The following PCSK5 variants were observed in gnomAD, a reference collection of about 807,000 sequenced individuals.
The protein encoded by PCSK5 is prohormone convertase 5.
A neutral mutation model predicts 233.2 loss-of-function variants in PCSK5; 129 were observed. The observed-to-expected ratio is 0.55, with a 90% CI of 0.48 to 0.64. The LOEUF (loss-of-function observed/expected upper bound fraction) is 0.64, where lower values mean the gene tolerates loss of function less well. PCSK5 is among the 30% of genes least tolerant of loss of function. PCSK5 has a pLI of 0.00. For missense variants in PCSK5, 2,076 were observed against 2,430.1 expected, an observed-to-expected ratio of 0.85 and a Z score of 3.06; for synonymous variants, 825 against 879.2, an observed-to-expected ratio of 0.94 and a Z score of 1.09.
chr9:76,104,200 G>C (rs1199862169), intron 8 of PCSK5, among the ~76,000 whole-genome samples: 7 of 152,080 alleles, frequency 4.6e-5, no homozygotes, highest in African/African-American at 1.7e-4. Flanking sequence ...CGAAAACCCT[G>C]CCTTAGATCT....
chr9:76,252,338 G>A (rs1001251772), intron 24 of PCSK5, among the ~76,000 whole-genome samples: 1 of 152,146 alleles, frequency 6.6e-6, no homozygotes, highest in African/African-American at 2.4e-5. Flanking sequence ...CCTTTCCTCA[G>A]TCCTTCATAC....
intron 5 of PCSK5, among the ~76,000 whole-genome samples, chr9:76,030,857 G>C (rs770514005): frequency 6.6e-6 from 1 of 152,010 alleles, no homozygotes; most frequent in Non-Finnish European, 1.5e-5. Flanking sequence ...TGCTCATCTG[G>C]GGTATTCTAG....
chr9:76,331,338 T>C (rs1235649506), intron 33 of PCSK5, among the ~76,000 whole-genome samples: 4 of 152,148 alleles, frequency 2.6e-5, no homozygotes, highest in Non-Finnish European at 5.9e-5. Flanking sequence ...ATTATCCACG[T>C]AGACCCAATG....
intron 7 of PCSK5, among the ~76,000 whole-genome samples, chr9:76,085,843 A>G (rs1831042192): frequency 1.3e-5 from 2 of 152,214 alleles, no homozygotes; most frequent in African/African-American, 2.4e-5. Context: ...GAGAGATTTC[A>G]TAATCTAGAG....
At chr9:76,193,129 C>CAATT in intron 20 of PCSK5, 1 of 927,004 alleles carries the variant, frequency 1.1e-6, no homozygotes, top group Non-Finnish European at 1.6e-6. Context: ...TGATCTCTTC[C>CAATT]AATTCCCCAA....
chr9:76,317,471 G>A (rs1186438713), intron 30 of PCSK5, among the ~76,000 whole-genome samples: 4 of 152,214 alleles, frequency 2.6e-5, no homozygotes, highest in Non-Finnish European at 5.9e-5. Flanking sequence ...ATAAATGACT[G>A]AAAGAATGAT....
chr9:76,263,986 C>G (rs528368580), intron 24 of PCSK5, among the ~76,000 whole-genome samples: 4 of 152,098 alleles, frequency 2.6e-5, no homozygotes, highest in South Asian at 2.1e-4. Flanking sequence ...CAAAAAAGAG[C>G]CTGAATAGGC....
intron 20 of PCSK5, among the ~76,000 whole-genome samples, chr9:76,203,767 G>A (rs1229996594): frequency 1.3e-5 from 2 of 152,128 alleles, no homozygotes; most frequent in Non-Finnish European, 2.9e-5. Context: ...CTAGCACAAT[G>A]AGAACACACC....
intron 9 of PCSK5, among the ~76,000 whole-genome samples, chr9:76,116,372 A>G (rs1832424542): frequency 6.6e-6 from 1 of 152,256 alleles, no homozygotes; most frequent in East Asian, 1.9e-4. Context: ...AACCTTATTG[A>G]GTAAGCACCA....
intron 5 of PCSK5, among the ~76,000 whole-genome samples, chr9:76,047,489 CTT>C (rs1020000989): frequency 9.9e-5 from 15 of 152,100 alleles, no homozygotes; most frequent in Admixed American, 9.2e-4. Flanking sequence ...TTTCTAGTGA[CTT>C]GAGAAAGAGT....
chr9:76,178,749 T>C (rs1823724452), intron 14 of PCSK5, among the ~76,000 whole-genome samples: 1 of 152,356 alleles, frequency 6.6e-6, no homozygotes, highest in African/African-American at 2.4e-5. Flanking sequence ...GGAAAGAGTT[T>C]GCAGATTATG....
At chr9:76,220,261 T>C in intron 20 of PCSK5, among the ~76,000 whole-genome samples, 1 of 152,186 alleles carries the variant, frequency 6.6e-6, no homozygotes, top group East Asian at 1.9e-4. Context: ...GCATGGTGGC[T>C]CATGCCTGTA....
chr9:76,150,750 A>C (rs1564063556), intron 10 of PCSK5, among the ~76,000 whole-genome samples: 1 of 152,216 alleles, frequency 6.6e-6, no homozygotes, highest in African/African-American at 2.4e-5. Context: ...AAACATTGCA[A>C]CTATAGTTCT....
intron 20 of PCSK5, among the ~76,000 whole-genome samples, chr9:76,206,491 G>A (rs532993514): frequency 2.4e-4 from 36 of 152,254 alleles, no homozygotes; most frequent in African/African-American, 7.5e-4. Flanking sequence ...CCAGGCTGCC[G>A]GTGCAACTCT....
At chr9:76,070,266 C>T (rs1830439497) in intron 6 of PCSK5, among the ~76,000 whole-genome samples, 4 of 152,188 alleles carry the variant, frequency 2.6e-5, no homozygotes, top group Non-Finnish European at 4.4e-5. Context: ...TCCCAAAGTG[C>T]TGGGATTACA....
At chr9:76,330,352 T>C (rs1188054936) in intron 33 of PCSK5, among the ~76,000 whole-genome samples, 1 of 152,020 alleles carries the variant, frequency 6.6e-6, no homozygotes, top group East Asian at 1.9e-4. Context: ...AAAGAAGTCA[T>C]AGGAGACAGA....
At chr9:76,228,055 C>T (rs113308987) in intron 21 of PCSK5, among the ~76,000 whole-genome samples, 4,194 of 151,760 alleles carry the variant, frequency 0.028, 109 homozygotes, top group South Asian at 0.12. Context: ...CGGCAACCTC[C>T]GCCTCCCGGG....
intron 9 of PCSK5, among the ~76,000 whole-genome samples, chr9:76,115,470 T>A (rs7035189): frequency 0.27 from 41,124 of 151,912 alleles, 6,058 homozygotes; most frequent in Non-Finnish European, 0.34. Flanking sequence ...CCGATAAGAT[T>A]GCTTAGAAAC....
intron 28 of PCSK5, 59 bp downstream of exon 28, chr9:76,302,276 C>A: frequency 1.3e-6 from 1 of 789,302 alleles, no homozygotes; most frequent in Non-Finnish European, 1.8e-6. Flanking sequence ...TGGAGATGGT[C>A]TCCGTGGAGA....
Sources: gnomAD v4.1 joint callset for allele counts (sites outside exome capture counted in the v4.1 genomes callset) on GRCh38, gnomAD v4.1.1 for gene constraint, MANE v1.5 for transcripts, NCBI Gene and HGNC (gene_info 2026-07-23, HGNC 2026-07-21) for gene names.